The following NLGN1 variants were observed in gnomAD, a reference collection of about 807,000 sequenced individuals.
NLGN1 encodes the protein neuroligin-1.
Under a neutral mutation model 65.5 loss-of-function variants are expected in NLGN1, and 12 were observed. That is an observed-to-expected ratio of 0.18 (90% CI 0.12 to 0.30). The LOEUF is 0.30. Among genes scored for constraint, NLGN1 ranks in the 10% least tolerant of loss-of-function variants. The probability of loss-of-function intolerance (pLI) is 1.00; values close to 1 mark genes in which losing one functional copy is unlikely to be tolerated. For missense variants in NLGN1, 750 were observed against 1,007.1 expected, an observed-to-expected ratio of 0.74 and a Z score of 3.46; for synonymous variants, 350 against 359.5, an observed-to-expected ratio of 0.97 and a Z score of 0.30.
chr3:174,210,959 C>A (rs1736345605), intron 4 of NLGN1, among the ~76,000 whole-genome samples: 1 of 152,138 alleles, frequency 6.6e-6, no homozygotes, highest in Admixed American at 6.5e-5. Context: ...TCACTGACTT[C>A]AAGAATGAAG....
At chr3:173,850,869 T>C (rs1726799657) in intron 4 of NLGN1, among the ~76,000 whole-genome samples, 2 of 152,022 alleles carry the variant, frequency 1.3e-5, no homozygotes, top group Admixed American at 1.3e-4. Flanking sequence ...CCTGCGTAGC[T>C]GGGACCACAG....
intron 4 of NLGN1, among the ~76,000 whole-genome samples, chr3:174,204,500 C>G (rs1191243063): frequency 6.6e-6 from 1 of 152,128 alleles, no homozygotes; most frequent in African/African-American, 2.4e-5. Context: ...CCTACATGTT[C>G]TCAGTAGAGT....
chr3:174,231,520 TCTGA>T (rs1382560175), intron 4 of NLGN1, among the ~76,000 whole-genome samples: 1 of 152,184 alleles, frequency 6.6e-6, no homozygotes, highest in East Asian at 1.9e-4. Flanking sequence ...TTCAATTTTG[TCTGA>T]CTATTAAGCT....
chr3:173,404,745 A>G (rs760601252), intron 1 of NLGN1, among the ~76,000 whole-genome samples: 1 of 152,114 alleles, frequency 6.6e-6, no homozygotes, highest in Admixed American at 6.6e-5. Flanking sequence ...TTGTGAATTC[A>G]TTATGGTTCA....
chr3:173,493,236 G>T (rs1729469225), intron 2 of NLGN1, among the ~76,000 whole-genome samples: 1 of 151,734 alleles, frequency 6.6e-6, no homozygotes, highest in Admixed American at 6.6e-5. Context: ...GCTTTTCTGA[G>T]AATTCTATCC....
intron 2 of NLGN1, among the ~76,000 whole-genome samples, chr3:173,444,838 TTGTA>T (rs1719887525): frequency 6.6e-6 from 1 of 152,068 alleles, no homozygotes; most frequent in African/African-American, 2.4e-5. Context: ...TTGTGTGTGT[TTGTA>T]TATATATACA....
chr3:173,850,648 T>C (rs1726737319), intron 4 of NLGN1, among the ~76,000 whole-genome samples: 1 of 152,226 alleles, frequency 6.6e-6, no homozygotes. Flanking sequence ...TTAAATGTTT[T>C]TGTGAAGTCC....
intron 4 of NLGN1, among the ~76,000 whole-genome samples, chr3:174,260,689 T>A (rs1746719753): frequency 6.9e-6 from 1 of 145,206 alleles, no homozygotes; most frequent in South Asian, 2.2e-4. Flanking sequence ...TTTAGTTTAA[T>A]TAGATCCCAT....
chr3:174,045,327 C>T (rs1733312031), intron 4 of NLGN1, among the ~76,000 whole-genome samples: 1 of 152,042 alleles, frequency 6.6e-6, no homozygotes, highest in Admixed American at 6.5e-5. Flanking sequence ...CAAACATGTC[C>T]TTCTTCACAT....
intron 3 of NLGN1, among the ~76,000 whole-genome samples, chr3:173,652,242 C>A (rs900859141): frequency 3.4e-4 from 52 of 152,104 alleles, no homozygotes; most frequent in African/African-American, 1.3e-3. Context: ...TTGATTATTT[C>A]TTTTGCTGTG....
intron 3 of NLGN1, among the ~76,000 whole-genome samples, chr3:173,658,900 T>C (rs1338802199): frequency 6.6e-6 from 1 of 151,968 alleles, no homozygotes; most frequent in Non-Finnish European, 1.5e-5. Flanking sequence ...GGAATGGAGG[T>C]TCATCCTCAA....
At chr3:173,555,272 T>C (rs1741529839) in intron 2 of NLGN1, among the ~76,000 whole-genome samples, 1 of 152,232 alleles carries the variant, frequency 6.6e-6, no homozygotes, top group Non-Finnish European at 1.5e-5. Context: ...ACTTCTGTCC[T>C]TTAACTGGTG....
chr3:173,948,087 T>C (rs1436937216), intron 4 of NLGN1, among the ~76,000 whole-genome samples: 1 of 152,208 alleles, frequency 6.6e-6, no homozygotes, highest in African/African-American at 2.4e-5. Context: ...TGATACAATG[T>C]GGGAGACAGC....
chr3:173,619,996 G>A (rs1753725690), intron 3 of NLGN1, among the ~76,000 whole-genome samples: 2 of 152,140 alleles, frequency 1.3e-5, no homozygotes, highest in African/African-American at 4.8e-5. Flanking sequence ...AGAGAGTACA[G>A]TGAGAGATGA....
chr3:173,498,670 A>C (rs140793353), intron 2 of NLGN1, among the ~76,000 whole-genome samples: 2 of 151,818 alleles, frequency 1.3e-5, no homozygotes, highest in Non-Finnish European at 2.9e-5. Context: ...AGTCCCACCA[A>C]TAGTGTAAAA....
chr3:173,577,003 C>A (rs980074407), intron 2 of NLGN1, among the ~76,000 whole-genome samples: 1 of 152,112 alleles, frequency 6.6e-6, no homozygotes, highest in African/African-American at 2.4e-5. Context: ...ATGCTGCTGA[C>A]CTCAACGTGA....
intron 4 of NLGN1, among the ~76,000 whole-genome samples, chr3:174,094,119 C>T (rs928323325): frequency 6.6e-6 from 1 of 152,060 alleles, no homozygotes; most frequent in African/African-American, 2.4e-5. Flanking sequence ...GTGAGGCTAA[C>T]CAAAAACTAG....
At chr3:173,760,262 A>G (rs1282140046) in intron 3 of NLGN1, among the ~76,000 whole-genome samples, 3 of 151,940 alleles carry the variant, frequency 2.0e-5, no homozygotes, top group Non-Finnish European at 4.4e-5. Flanking sequence ...ATAATCTCTG[A>G]AAGAAGAATC....
intron 4 of NLGN1, among the ~76,000 whole-genome samples, chr3:173,862,454 C>A (rs1224312886): frequency 1.5e-5 from 2 of 135,160 alleles, no homozygotes; most frequent in Non-Finnish European, 3.1e-5. Context: ...TGCAGTGAGC[C>A]GAGATCCCGC....
Sources: allele counts gnomAD v4.1 joint callset (sites outside exome capture counted in the v4.1 genomes callset), GRCh38; gene constraint gnomAD v4.1.1; transcripts MANE v1.5; gene names NCBI Gene and HGNC (gene_info 2026-07-23, HGNC 2026-07-21).